RPTOR: variants seen among roughly 807,000 people sequenced by gnomAD.
RPTOR encodes regulatory-associated protein of mTOR.
RPTOR carries 21 observed loss-of-function variants against 169.9 expected under a neutral mutation model. The ratio of observed to expected loss-of-function variants is 0.12; its 90% CI spans 0.09 to 0.18. The LOEUF is 0.18. Among genes scored for constraint, RPTOR ranks in the 10% least tolerant of loss-of-function variants. The probability of loss-of-function intolerance (pLI) is 1.00; values close to 1 mark genes in which losing one functional copy is unlikely to be tolerated. For missense variants in RPTOR, 1,133 were observed against 1,855.9 expected, an observed-to-expected ratio of 0.61 and a Z score of 7.16; for synonymous variants, 732 against 753.2, an observed-to-expected ratio of 0.97 and a Z score of 0.46.
At chr17:80,828,434 C>A (rs1176090019) in intron 9 of RPTOR, among the ~76,000 whole-genome samples, 1 of 152,198 alleles carries the variant, frequency 6.6e-6, no homozygotes, top group Non-Finnish European at 1.5e-5. Context: ...AGTCAGCAGC[C>A]CTGTCCTGGG....
intron 31 of RPTOR, 153 bp downstream of exon 31, chr17:80,961,633 C>T (rs1041815234): frequency 1.3e-4 from 122 of 907,542 alleles, no homozygotes; most frequent in South Asian, 1.7e-4. Context: ...AAAGATCAGG[C>T]GCAGCCCGTA....
intron 3 of RPTOR, among the ~76,000 whole-genome samples, chr17:80,662,872 T>C (rs775041993): frequency 6.6e-6 from 1 of 152,164 alleles, no homozygotes; most frequent in Non-Finnish European, 1.5e-5. Flanking sequence ...GGGACTGTTA[T>C]CATCCTTGCT....
chr17:80,649,094 G>A (rs561677413), intron 3 of RPTOR, among the ~76,000 whole-genome samples: 4 of 152,302 alleles, frequency 2.6e-5, no homozygotes, highest in South Asian at 4.1e-4. Flanking sequence ...CAGTCAAGAC[G>A]CATAAATCAG....
intron 7 of RPTOR, among the ~76,000 whole-genome samples, chr17:80,799,420 C>A (rs181658691): frequency 1.3e-5 from 2 of 152,318 alleles, no homozygotes; most frequent in African/African-American, 4.8e-5. Flanking sequence ...CTAGCTGGGG[C>A]TGGACTTGAT....
rs112603484 is a variant in RPTOR at position 80,600,096 on chromosome 17, G to A, written c.163-25595G>A. Among the ~76,000 whole-genome samples, 102 of 152,296 alleles carry A rather than the reference G, an allele frequency of 6.7e-4. 1 individual carries two copies. Among genetic ancestry groups the A allele is most frequent in the African/African-American group, 2.4e-3 (98 of 41,554 alleles). ...CTTCAGATTGAGATCCAAGTGCAGT[G>A]TCTGGCCTTTCAGCTGGAGGAGAGG... On this transcript the variant is annotated intron_variant, in intron 1 of 33. Transcript: ENST00000306801.
In RPTOR at chr17:80,886,213, C is replaced by T. The variant is rs1598378587; in HGVS notation, c.1983+1065C>T. On this transcript the variant is annotated intron_variant, in intron 17 of 33. Transcript: ENST00000306801. ...TTTGTCTGGAGAGCAGCTGCCGCTG[C>T]TTTACTTGGGAGGGACGTGACCCGG... Among the ~76,000 whole-genome samples, 3 of 152,378 alleles carry T rather than the reference C, an allele frequency of 2.0e-5. No homozygotes were observed. The South Asian group carries it at 6.2e-4, about 32-fold the overall frequency.
chr17:80,673,771 C>G (rs2065840143), intron 3 of RPTOR, among the ~76,000 whole-genome samples: 1 of 152,210 alleles, frequency 6.6e-6, no homozygotes, highest in Non-Finnish European at 1.5e-5. Context: ...CTGCTCTGGT[C>G]TGCAGCTCAT....
chr17:80,660,651 G>A (rs755843211), intron 3 of RPTOR, among the ~76,000 whole-genome samples: 15 of 152,004 alleles, frequency 9.9e-5, no homozygotes, highest in Non-Finnish European at 1.6e-4. Flanking sequence ...ACCCTTTTGC[G>A]GCAAGGGACT....
intron 14 of RPTOR, among the ~76,000 whole-genome samples, chr17:80,881,665 A>C (rs969144644): frequency 3.3e-5 from 5 of 152,178 alleles, no homozygotes; most frequent in African/African-American, 1.2e-4. Flanking sequence ...CCAAAAATAC[A>C]AAAAAATTTG....
rs1395216292 is a variant in RPTOR, at chr17:80,958,209, C to A, written c.3477+479C>A. ...ATCCTCCCACCTCACCCCCCCCCCC[C>A]ACCACCAAGTAGCTGGGACTACAGG... On this transcript the variant is annotated intron_variant, in intron 29 of 33. Coordinates refer to ENST00000306801, the MANE Select transcript of RPTOR (RefSeq NM_020761.3). Among the ~76,000 whole-genome samples, 17 of 147,666 alleles carry A rather than the reference C, an allele frequency of 1.2e-4. No individual in the cohort carries two copies. In the East Asian group the frequency reaches 2.6e-3, roughly 22 times the overall value.
At chr17:80,935,550 CA>C (rs1327536326) in intron 24 of RPTOR, among the ~76,000 whole-genome samples, 1 of 152,068 alleles carries the variant, frequency 6.6e-6, no homozygotes, top group Non-Finnish European at 1.5e-5. Flanking sequence ...TTGGTCTACA[CA>C]AATATGTTCA....
chr17:80,923,400 G>A (rs1432358925), intron 22 of RPTOR, 90 bp from the exon 23 acceptor site: 1 of 1,448,672 alleles, frequency 6.9e-7, no homozygotes, highest in East Asian at 2.3e-5. Flanking sequence ...ACCTGGGAGG[G>A]TGCAGGTGGC....
intron 24 of RPTOR, among the ~76,000 whole-genome samples, chr17:80,927,003 C>T (rs750370171): frequency 6.6e-6 from 1 of 152,212 alleles, no homozygotes; most frequent in African/African-American, 2.4e-5. Flanking sequence ...TGCTTACCTG[C>T]GGGTGGCATG....
chr17:80,622,981 G>A (rs1318879162), intron 1 of RPTOR, among the ~76,000 whole-genome samples: 2 of 152,134 alleles, frequency 1.3e-5, no homozygotes, highest in African/African-American at 4.8e-5. Flanking sequence ...GCACTAAAAT[G>A]CTTCCTTTTT....
At chr17:80,869,092 C>T (rs988456897) in intron 13 of RPTOR, among the ~76,000 whole-genome samples, 4 of 152,184 alleles carry the variant, frequency 2.6e-5, no homozygotes, top group African/African-American at 4.8e-5. Flanking sequence ...ATCAATGAAG[C>T]GGCTAAAAAA....
Position 80,545,546 on chromosome 17 carries a change from A to C in RPTOR, c.-84A>C. 2.8e-6 allele frequency: 3 copies of C among 1,070,392 alleles called. No individual in the cohort carries two copies. The highest frequency in any genetic ancestry group is 4.1e-6 in the Non-Finnish European group (3 of 733,224). 66.3% of individuals were successfully genotyped at this position (1,070,392 alleles called of 1,614,324 possible). On this transcript the variant is annotated 5_prime_UTR_variant, in exon 1 of 34. Transcript: ENST00000306801. ...ATTTCCCGTTTTTGTTTCTTATTTC[A>C]CCAATTCTGGTACACGCTAGTTTTT...
chr17:80,800,430 G>A (rs1025405467), intron 7 of RPTOR, among the ~76,000 whole-genome samples: 7 of 152,194 alleles, frequency 4.6e-5, no homozygotes, highest in African/African-American at 1.7e-4. Context: ...AAAACACGTT[G>A]TTTAGCATCT....
chr17:80,795,775 A>G (rs903816431), intron 7 of RPTOR, among the ~76,000 whole-genome samples: 9 of 152,096 alleles, frequency 5.9e-5, no homozygotes, highest in Admixed American at 4.6e-4. Flanking sequence ...TCTGTCCTGC[A>G]GAATGGACAC....
At chr17:80,893,342 C>CGCCAGGGTGTGTGTGT (rs2068353014) in intron 19 of RPTOR, among the ~76,000 whole-genome samples, 1 of 125,954 alleles carries the variant, frequency 7.9e-6, no homozygotes, top group Non-Finnish European at 1.6e-5. Flanking sequence ...GGTGTGTGTG[C>CGCCAGGGTGTGTGTGT]GCCAGGGTGT....
Sources: gnomAD v4.1 joint callset for allele counts (sites outside exome capture counted in the v4.1 genomes callset) on GRCh38, gnomAD v4.1.1 for gene constraint, MANE v1.5 for transcripts, NCBI Gene and HGNC (gene_info 2026-07-23, HGNC 2026-07-21) for gene names.